NEXMIF: variants seen among roughly 807,000 people sequenced by gnomAD.
NEXMIF encodes neurite extension and migration factor.
NEXMIF carries 8 observed loss-of-function variants against 62.1 expected under a neutral mutation model. That is an observed-to-expected ratio of 0.13 (90% CI 0.08 to 0.23). The LOEUF (loss-of-function observed/expected upper bound fraction) is 0.23, where lower values mean the gene tolerates loss of function less well. Among genes scored for constraint, NEXMIF ranks in the 10% least tolerant of loss-of-function variants. The pLI, the probability that NEXMIF is intolerant of heterozygous loss-of-function variation, is 1.00. For missense variants in NEXMIF, 976 were observed against 1,113.3 expected, an observed-to-expected ratio of 0.88 and a Z score of 1.75; for synonymous variants, 404 against 416.6, an observed-to-expected ratio of 0.97 and a Z score of 0.37.
At chrX:74,785,825 T>A (rs2080258784) in intron 1 of NEXMIF, among the ~76,000 whole-genome samples, 1 of 112,334 alleles carries the variant, frequency 8.9e-6, no homozygotes, top group Admixed American at 9.4e-5. Context: ...AAGGGCTGGC[T>A]TTGTCACTCA....
intron 1 of NEXMIF, among the ~76,000 whole-genome samples, chrX:74,906,963 T>C (rs2147371856): frequency 9.0e-6 from 1 of 111,282 alleles, no homozygotes; most frequent in South Asian, 3.8e-4. Flanking sequence ...TGTCCAGTCC[T>C]TTTTCCCCAG....
In NEXMIF at chrX:74,888,159, A is replaced by G. The variant is rs373449251; in HGVS notation, c.-48+36724T>C. Among the ~76,000 whole-genome samples the G allele has an allele frequency of 4.1e-4, 44 of 108,143 alleles. No individual in the cohort carries two copies. In the East Asian group the frequency reaches 0.011, roughly 27 times the overall value. The allele number at this position is 108,143 out of a possible 115,157, so 93.9% of individuals were successfully genotyped here. A position where few individuals can be genotyped will look rare whatever the true frequency, so the allele number is the denominator to read the frequency against. On this transcript the variant is annotated intron_variant, in intron 1 of 3. Coordinates refer to ENST00000055682, the MANE Select transcript of NEXMIF (RefSeq NM_001008537.3). ...TGTTGTGGGGTGGGGGCAGGGGGGA[A>G]GGATAGCAGTAGGAGATATACCTAA... is the stretch of plus-strand genomic sequence containing the variant.
chrX:74,867,931 T>A (rs780599078), intron 1 of NEXMIF, among the ~76,000 whole-genome samples: 7 of 111,641 alleles, frequency 6.3e-5, no homozygotes, highest in Non-Finnish European at 1.3e-4. Context: ...CTTAAACAAA[T>A]TTATAAGAAA....
At chrX:74,872,692 C>T (rs2080607190) in intron 1 of NEXMIF, among the ~76,000 whole-genome samples, 1 of 109,312 alleles carries the variant, frequency 9.1e-6, no homozygotes, top group South Asian at 4.0e-4. Flanking sequence ...TAAATTATAA[C>T]ACAAAGGATA....
chrX:74,873,939 G>A (rs376833026), intron 1 of NEXMIF, among the ~76,000 whole-genome samples: 1 of 111,096 alleles, frequency 9.0e-6, no homozygotes, highest in Non-Finnish European at 1.9e-5. Flanking sequence ...CCATTTTGTA[G>A]GCTGCCTGTT....
chrX:74,826,229 C>A (rs1393599000), intron 1 of NEXMIF, among the ~76,000 whole-genome samples: 2 of 112,013 alleles, frequency 1.8e-5, no homozygotes, highest in Non-Finnish European at 3.8e-5. Context: ...CATGAAATGG[C>A]ATCTCATTGT....
intron 1 of NEXMIF, among the ~76,000 whole-genome samples, chrX:74,866,002 G>A (rs1333130566): frequency 9.0e-6 from 1 of 111,492 alleles, no homozygotes; most frequent in Non-Finnish European, 1.9e-5. Flanking sequence ...AATCTCCACT[G>A]GGGCACTGCC....
At chrX:74,749,557 T>A (rs146721643) in intron 1 of NEXMIF, among the ~76,000 whole-genome samples, 13 of 110,898 alleles carry the variant, frequency 1.2e-4, no homozygotes, top group African/African-American at 4.3e-4. Context: ...TGCTTCCCTG[T>A]GTCTTGCACT....
intron 1 of NEXMIF, among the ~76,000 whole-genome samples, chrX:74,808,905 C>T (rs763297396): frequency 8.9e-6 from 1 of 112,063 alleles, no homozygotes; most frequent in African/African-American, 3.2e-5. Flanking sequence ...TTGTTCCTTC[C>T]AAAATGCATG....
intron 1 of NEXMIF, among the ~76,000 whole-genome samples, chrX:74,850,499 A>G: frequency 8.9e-6 from 1 of 112,020 alleles, no homozygotes; most frequent in Admixed American, 9.5e-5. Context: ...CCATTACCAC[A>G]GTGGGCCTGA....
chrX:74,775,089 C>T (rs1037928004), intron 1 of NEXMIF, among the ~76,000 whole-genome samples: 1 of 111,256 alleles, frequency 9.0e-6, no homozygotes, highest in Non-Finnish European at 1.9e-5. Flanking sequence ...GTTGTTTTTT[C>T]CCCCACATCA....
chrX:74,873,453 G>A lies in NEXMIF; in HGVS notation c.-48+51430C>T, dbSNP rs180952814. Among the ~76,000 whole-genome samples the A allele has an allele frequency of 3.5e-3, 393 of 111,825 alleles. 2 individuals are homozygous for A. The highest frequency in any genetic ancestry group is 5.2e-3 in the African/African-American group (160 of 30,828). ...GTGAATAATGCCACAATAAACATAC[G>A]TGTGCAAGTGTCTTTATAGCAGCAT... On this transcript the variant is annotated intron_variant, in intron 1 of 3. Coordinates refer to ENST00000055682, the MANE Select transcript of NEXMIF (RefSeq NM_001008537.3).
intron 1 of NEXMIF, among the ~76,000 whole-genome samples, chrX:74,901,664 C>T (rs1358631691): frequency 1.8e-5 from 2 of 111,504 alleles, no homozygotes; most frequent in African/African-American, 6.5e-5. Flanking sequence ...TATAGTTTTC[C>T]TGAAATGGGG....
chrX:74,896,702 C>T (rs2080733953), intron 1 of NEXMIF, among the ~76,000 whole-genome samples: 2 of 111,798 alleles, frequency 1.8e-5, no homozygotes, highest in Admixed American at 9.6e-5. Context: ...CTAGTGCAGT[C>T]TCTGCAACCT....
chrX:74,882,291 C>T (rs1238953664), intron 1 of NEXMIF, among the ~76,000 whole-genome samples: 1 of 111,875 alleles, frequency 8.9e-6, no homozygotes, highest in African/African-American at 3.3e-5. Flanking sequence ...GAGTGCTGGA[C>T]AGTTGGTGCA....
chrX:74,816,421 C>T (rs774408282), intron 1 of NEXMIF, among the ~76,000 whole-genome samples: 2 of 110,846 alleles, frequency 1.8e-5, no homozygotes, highest in South Asian at 3.8e-4. Context: ...AAATTGAAGC[C>T]CAGTAAATAT....
intron 1 of NEXMIF, among the ~76,000 whole-genome samples, chrX:74,816,813 G>C (rs761125507): frequency 8.9e-6 from 1 of 111,808 alleles, no homozygotes; most frequent in Non-Finnish European, 1.9e-5. Context: ...CAGCAGTTGA[G>C]GACTTGGCAG....
intron 1 of NEXMIF, among the ~76,000 whole-genome samples, chrX:74,883,000 T>C (rs1345980462): frequency 9.0e-6 from 1 of 111,650 alleles, no homozygotes; most frequent in East Asian, 2.8e-4. Context: ...ATATCCGCTG[T>C]TCTGCAGCCA....
chrX:74,855,001 T>G (rs2080529684), intron 1 of NEXMIF, among the ~76,000 whole-genome samples: 1 of 111,572 alleles, frequency 9.0e-6, no homozygotes, highest in South Asian at 3.8e-4. Context: ...CACAAAGCAA[T>G]GTAAAAAATA....
Sources: gnomAD v4.1 joint callset for allele counts (sites outside exome capture counted in the v4.1 genomes callset) on GRCh38, gnomAD v4.1.1 for gene constraint, MANE v1.5 for transcripts, NCBI Gene and HGNC (gene_info 2026-07-23, HGNC 2026-07-21) for gene names.